Variants in PLPP4 observed in about 807,000 individuals in gnomAD.
The protein encoded by PLPP4 is phospholipid phosphatase 4.
PLPP4 carries 20 observed loss-of-function variants against 32.2 expected under a neutral mutation model. That is an observed-to-expected ratio of 0.62 (90% confidence interval 0.44 to 0.90). The LOEUF (loss-of-function observed/expected upper bound fraction) is 0.90, where lower values mean the gene tolerates loss of function less well. Among genes scored for constraint, PLPP4 ranks in the 40% least tolerant of loss-of-function variants. The pLI is 0.00. For synonymous variants in PLPP4, 127 were observed against 133.0 expected (o/e 0.95, Z 0.31); for missense variants, 257 against 353.1 (o/e 0.73, Z 2.18).
intron 2 of PLPP4, among the ~76,000 whole-genome samples, chr10:120,505,085 A>G (rs1046803557): frequency 6.6e-6 from 1 of 152,264 alleles, no homozygotes; most frequent in African/African-American, 2.4e-5. Context: ...ATGGTGGTCT[A>G]ATTTAATTCC....
chr10:120,513,046 A>G (rs1845793654), intron 2 of PLPP4, among the ~76,000 whole-genome samples: 1 of 152,182 alleles, frequency 6.6e-6, no homozygotes, highest in Non-Finnish European at 1.5e-5. Context: ...GAGATGTTAT[A>G]GTCATGAAGA....
chr10:120,505,009 C>T (rs942172126), intron 2 of PLPP4, among the ~76,000 whole-genome samples: 3 of 152,278 alleles, frequency 2.0e-5, no homozygotes, highest in African/African-American at 7.2e-5. Flanking sequence ...GCAATTGCCA[C>T]ATGGCAGTTG....
chr10:120,510,087 C>T (rs111740134), intron 2 of PLPP4, among the ~76,000 whole-genome samples: 161 of 152,248 alleles, frequency 1.1e-3, no homozygotes, highest in African/African-American at 3.8e-3. Flanking sequence ...TGTAGGATTG[C>T]TGTGAGAAGT....
At chr10:120,459,273 TG>T (rs1297823381) in intron 1 of PLPP4, among the ~76,000 whole-genome samples, 5 of 152,206 alleles carry the variant, frequency 3.3e-5, no homozygotes, top group African/African-American at 4.8e-5. Flanking sequence ...CATTTTTGGA[TG>T]ACTCCCAGGT....
intron 1 of PLPP4, among the ~76,000 whole-genome samples, chr10:120,502,442 G>A (rs545776158): frequency 3.6e-4 from 55 of 152,220 alleles, no homozygotes; most frequent in African/African-American, 1.3e-3. Flanking sequence ...TGAGAGTCAG[G>A]CTGATCAAAG....
At chr10:120,466,569 G>A (rs995416231) in intron 1 of PLPP4, among the ~76,000 whole-genome samples, 63 of 152,184 alleles carry the variant, frequency 4.1e-4, no homozygotes, top group African/African-American at 1.4e-3. Flanking sequence ...GGGCTTGGCA[G>A]ACTGGGGAGT....
chr10:120,546,046 A>G (rs926887272), intron 5 of PLPP4, among the ~76,000 whole-genome samples: 4 of 152,130 alleles, frequency 2.6e-5, no homozygotes, highest in Non-Finnish European at 4.4e-5. Context: ...GACTTAACCA[A>G]TGGTTTGCCA....
intron 3 of PLPP4, 53 bp downstream of exon 3, chr10:120,514,054 G>T: frequency 7.6e-7 from 1 of 1,319,474 alleles, no homozygotes. Flanking sequence ...TTAATTAGAT[G>T]ATCACATTTA....
intron 5 of PLPP4, among the ~76,000 whole-genome samples, chr10:120,532,787 T>C (rs760162610): frequency 2.0e-5 from 3 of 152,234 alleles, no homozygotes; most frequent in Non-Finnish European, 4.4e-5. Context: ...AGATTCATGA[T>C]GTAGCATATA....
chr10:120,546,150 A>G (rs758448088), intron 5 of PLPP4, among the ~76,000 whole-genome samples: 18 of 152,024 alleles, frequency 1.2e-4, no homozygotes, highest in Admixed American at 2.0e-4. Context: ...CTTGCTCCTC[A>G]GCTTGCAGAT....
chr10:120,590,798 C>T lies in PLPP4; in HGVS notation c.*1296C>T, dbSNP rs1011103477. Among the ~76,000 whole-genome samples, 38 of 139,854 alleles carry T rather than the reference C, an allele frequency of 2.7e-4. 1 individual carries two copies. The highest frequency in any genetic ancestry group is 9.6e-4 in the African/African-American group (35 of 36,526). 91.7% of individuals were successfully genotyped at this position (139,854 alleles called of 152,430 possible). A position where few individuals can be genotyped will look rare whatever the true frequency, so the allele number is the denominator to read the frequency against. On this transcript the variant is annotated 3_prime_UTR_variant, in exon 7 of 7. Transcript: ENST00000398250. ...TTTTTTTTTTTTTGAGATGGAGTCTCGCTGTGTCGAGACTGCACTGGAGTG... is the reference window on the plus strand; with the variant it reads ...TTTTTTTTTTTTTGAGATGGAGTCTTGCTGTGTCGAGACTGCACTGGAGTG...
At chr10:120,506,227 A>G (rs966295) in intron 2 of PLPP4, among the ~76,000 whole-genome samples, 72,069 of 151,676 alleles carry the variant, frequency 0.48, 17,343 homozygotes, top group East Asian at 0.66. Flanking sequence ...AGCAGTTGAT[A>G]AATTTCATTC....
intron 1 of PLPP4, among the ~76,000 whole-genome samples, chr10:120,466,768 TC>T: frequency 7.0e-6 from 1 of 143,808 alleles, no homozygotes; most frequent in African/African-American, 2.5e-5. Flanking sequence ...GTACACTCTC[TC>T]ACCTCCTAGG....
chr10:120,498,722 A>G (rs1020502698), intron 1 of PLPP4, among the ~76,000 whole-genome samples: 1 of 147,628 alleles, frequency 6.8e-6, no homozygotes, highest in Non-Finnish European at 1.5e-5. Flanking sequence ...GTGCAGTGGT[A>G]TGATCTCAGC....
chr10:120,511,771 A>G (rs536992037), intron 2 of PLPP4, among the ~76,000 whole-genome samples: 2 of 152,330 alleles, frequency 1.3e-5, no homozygotes, highest in African/African-American at 4.8e-5. Context: ...AATCATCAGC[A>G]TCAGTACCAT....
At chr10:120,492,437 T>C (rs1174819515) in intron 1 of PLPP4, among the ~76,000 whole-genome samples, 1 of 152,218 alleles carries the variant, frequency 6.6e-6, no homozygotes, top group Non-Finnish European at 1.5e-5. Flanking sequence ...TTGCTATTTT[T>C]ATTATGAGGC....
chr10:120,509,234 G>GATAT, intron 2 of PLPP4, among the ~76,000 whole-genome samples: 1 of 152,296 alleles, frequency 6.6e-6, no homozygotes, highest in East Asian at 1.9e-4. Flanking sequence ...ACTTGCCATG[G>GATAT]ATATTATTAT....
chr10:120,463,240 A>G (rs189913514), intron 1 of PLPP4, among the ~76,000 whole-genome samples: 1 of 151,936 alleles, frequency 6.6e-6, no homozygotes, highest in Non-Finnish European at 1.5e-5. Flanking sequence ...GTTAGCCAGG[A>G]TGGTCTCGAT....
intron 5 of PLPP4, among the ~76,000 whole-genome samples, chr10:120,524,373 C>A (rs996394551): frequency 6.6e-6 from 1 of 152,046 alleles, no homozygotes; most frequent in Admixed American, 6.6e-5. Context: ...CTTAAAAAAT[C>A]AATTTCATAG....
Sources: allele counts gnomAD v4.1 joint callset (sites outside exome capture counted in the v4.1 genomes callset), GRCh38; gene constraint gnomAD v4.1.1; transcripts MANE v1.5; gene names NCBI Gene and HGNC (gene_info 2026-07-23, HGNC 2026-07-21).